Variants in DNAAF9 observed in about 807,000 individuals in gnomAD.
The protein encoded by DNAAF9 is shulin.
DNAAF9 carries 90 observed loss-of-function variants against 167.0 expected under a neutral mutation model. That is an observed-to-expected ratio of 0.54 (90% CI 0.45 to 0.64). The LOEUF (loss-of-function observed/expected upper bound fraction) is 0.64. Ranked by LOEUF, DNAAF9 falls within the 30% of genes least tolerant of loss-of-function variation. The probability of loss-of-function intolerance (pLI) is 0.00; values close to 1 mark genes in which losing one functional copy is unlikely to be tolerated. For missense variants in DNAAF9, 1,315 were observed against 1,442.2 expected, an observed-to-expected ratio of 0.91 and a Z score of 1.43; for synonymous variants, 491 against 508.8, an observed-to-expected ratio of 0.96 and a Z score of 0.47.
At chr20:3,394,245 G>A (rs1290249954) in intron 1 of DNAAF9, among the ~76,000 whole-genome samples, 1 of 151,874 alleles carries the variant, frequency 6.6e-6, no homozygotes, top group Admixed American at 6.6e-5. Flanking sequence ...GGCTGAGGCA[G>A]GAGAATCACT....
Position 3,251,875 on chromosome 20 carries a change from G to C in DNAAF9, c.*697C>G, listed in dbSNP as rs2068199753. ...GGAGAGCTAAAGAACCACCCACAAG[G>C]GGAAAAGCTGATGTCAACTTAAGAG... On this transcript the variant is annotated 3_prime_UTR_variant, in exon 37 of 37. Transcript: ENST00000252032. The C allele has an allele frequency of 6.6e-6, 1 of 152,410 alleles. No homozygotes were observed. Among genetic ancestry groups the C allele is most frequent in the Non-Finnish European group, 1.5e-5 (1 of 68,172 alleles). 9.4% of individuals were successfully genotyped at this position (152,410 alleles called of 1,614,324 possible).
At chr20:3,341,761 A>G (rs997583204) in intron 9 of DNAAF9, among the ~76,000 whole-genome samples, 1 of 152,022 alleles carries the variant, frequency 6.6e-6, no homozygotes, top group South Asian at 2.1e-4. Flanking sequence ...GATTCTCTAC[A>G]TTGCAGTGAT....
chr20:3,401,668 C>T (rs111584462), intron 1 of DNAAF9, among the ~76,000 whole-genome samples: 10 of 152,164 alleles, frequency 6.6e-5, no homozygotes, highest in Admixed American at 3.3e-4. Flanking sequence ...TCATACTCAG[C>T]GAGTCCTATG....
intron 10 of DNAAF9, among the ~76,000 whole-genome samples, chr20:3,338,897 A>G (rs1397954665): frequency 6.6e-6 from 1 of 151,172 alleles, no homozygotes; most frequent in African/African-American, 2.4e-5. Flanking sequence ...CAGGCAATCC[A>G]CCTGCCTCGG....
Position 3,296,078 on chromosome 20 carries a change from G to C in DNAAF9, c.2018+783C>G, listed in dbSNP as rs879157395. 9.5e-6 allele frequency: 7 copies of C among 734,922 alleles called. No homozygotes were observed. The Admixed American group carries it at 1.2e-4, about 13-fold the overall frequency. 45.5% of individuals were successfully genotyped at this position (734,922 alleles called of 1,614,324 possible). On this transcript the variant is annotated intron_variant, in intron 23 of 36. Coordinates refer to ENST00000252032, the MANE Select transcript of DNAAF9 (RefSeq NM_001009984.3). Reference sequence around the variant, plus strand: ...CTCATCTGGAGTTACTGTTAGCTGAGAACAGTGAAGCTTGTTTGGATCAGG... The same window carrying C: ...CTCATCTGGAGTTACTGTTAGCTGACAACAGTGAAGCTTGTTTGGATCAGG...
At chr20:3,278,794 G>T in intron 29 of DNAAF9, 118 bp downstream of exon 29, 1 of 818,522 alleles carries the variant, frequency 1.2e-6, no homozygotes, top group South Asian at 1.4e-5. Flanking sequence ...AGTTTTTTCT[G>T]ACCAATTTTG....
At chr20:3,370,414 A>G (rs1006980515) in intron 6 of DNAAF9, among the ~76,000 whole-genome samples, 6 of 143,032 alleles carry the variant, frequency 4.2e-5, no homozygotes, top group Non-Finnish European at 9.3e-5. Flanking sequence ...GTGCCTCGCT[A>G]ATTTTTTTTT....
In DNAAF9 at chr20:3,389,975, G is replaced by T. The variant is rs548046192; in HGVS notation, c.84-7469C>A. On this transcript the variant is annotated intron_variant, in intron 1 of 36. Coordinates refer to ENST00000252032, the MANE Select transcript of DNAAF9 (RefSeq NM_001009984.3). ...CACTGGAACCTGGAAGGCAGAGGCTGCAGTGAGCCAAGATCACGCCACTGT... is the reference window on the plus strand; with the variant it reads ...CACTGGAACCTGGAAGGCAGAGGCTTCAGTGAGCCAAGATCACGCCACTGT... Among the ~76,000 whole-genome samples, 4 of 151,320 alleles carry T rather than the reference G, an allele frequency of 2.6e-5. No homozygotes were observed. In the South Asian group the frequency reaches 8.3e-4, roughly 32 times the overall value.
In DNAAF9 at chr20:3,290,186, C is replaced by G. The variant is rs1269796294; in HGVS notation, c.2270G>C (p.Gly757Ala). The change falls in exon 26 of 37, where the codon GGC becomes GCC. Residue 757 changes from glycine (G) to alanine (A), a missense_variant. This residue lies in a region of DNAAF9 where 981 missense variants were observed against 1,012.5 expected (regional missense o/e 0.97). Transcript: ENST00000252032. ...VIISIVTGLP[G>A]CHASELCAFL... ...AGCACAGAGCTCGCTAGCGTGACAG[C>G]CTGGGAGGCCGGTTACAATGCTGAT... 5.6e-6 allele frequency: 9 copies of G among 1,612,906 alleles called. No individual in the cohort carries two copies. In the East Asian group the frequency reaches 1.6e-4, roughly 28 times the overall value.
chr20:3,332,285 T>G lies in DNAAF9; in HGVS notation c.1058A>C (p.Tyr353Ser). Residue 353 changes from tyrosine to serine, a missense_variant, in exon 11 of 37, where the codon TAC becomes TCC. This residue lies in a region of DNAAF9 where 981 missense variants were observed against 1,012.5 expected (regional missense o/e 0.97). Transcript: ENST00000252032. ...TYFFGATHVP[Y>S]LGGDSKLPKK... The stretch of plus-strand genomic sequence containing the variant: ...GACAACTTATAGGGACTTACCCAAG[T>G]AAGGAACATGAGTAGCTCCAAAAAA... 6.4e-7 allele frequency: 1 copy of G among 1,558,872 alleles called. No individual in the cohort carries two copies. The highest frequency in any genetic ancestry group is 8.8e-7 in the Non-Finnish European group (1 of 1,130,176).
chr20:3,401,560 T>A (rs1465337567), intron 1 of DNAAF9, among the ~76,000 whole-genome samples: 1 of 150,764 alleles, frequency 6.6e-6, no homozygotes, highest in Non-Finnish European at 1.5e-5. Context: ...TGAATACCCA[T>A]GAAATTTAAC....
intron 1 of DNAAF9, among the ~76,000 whole-genome samples, chr20:3,392,501 T>C (rs1013979413): frequency 2.0e-5 from 3 of 152,246 alleles, no homozygotes; most frequent in African/African-American, 4.8e-5. Flanking sequence ...CATCAGAACC[T>C]AAGTGAGCAG....
chr20:3,264,326 C>T, intron 31 of DNAAF9, 112 bp downstream of exon 31: 1 of 653,344 alleles, frequency 1.5e-6, no homozygotes, highest in Non-Finnish European at 2.7e-6. Flanking sequence ...CATGTGTCAC[C>T]CTTGCAAAGC....
Position 3,322,689 on chromosome 20 carries a change from T to C in DNAAF9, c.1273A>G (p.Met425Val). ...IPFKAALRSK[M>V]TFHIHAVNNQ... is the part of the protein sequence containing the mutation. Reference sequence around the variant, plus strand: ...TTCACAGCATGTATATGAAAAGTCATCTTGGAGCTGTAGACCAGAAACAAA... The same window carrying C: ...TTCACAGCATGTATATGAAAAGTCACCTTGGAGCTGTAGACCAGAAACAAA... The change falls in exon 15 of 37, where the codon ATG (methionine) becomes GTG (valine). Residue 425 changes from methionine to valine, a missense_variant. This residue lies in a region of DNAAF9 where 981 missense variants were observed against 1,012.5 expected (regional missense o/e 0.97). Coordinates refer to ENST00000252032, the MANE Select transcript of DNAAF9 (RefSeq NM_001009984.3). The C allele has an allele frequency of 1.2e-6, 2 of 1,612,752 alleles. No individual in the cohort carries two copies. The highest frequency in any genetic ancestry group is 1.7e-6 in the Non-Finnish European group (2 of 1,178,726).
chr20:3,316,771 G>A lies in DNAAF9; in HGVS notation c.1491C>T (p.Thr497=), dbSNP rs2069507528. ...CAGCAGCAGTCAGGACTACGGAGCT[G>A]GTTTCTGTGGTAACAGTGCCATCTG... ...KEKDGTVTTE[T]SSVVLTAAVP... The change falls in exon 18 of 37, where the codon ACC becomes ACT. Residue 497 remains threonine, a synonymous_variant. Transcript: ENST00000252032. 14 of 1,613,392 alleles carry A rather than the reference G, an allele frequency of 8.7e-6. No homozygotes were observed. The East Asian group carries it at 3.1e-4, about 36-fold the overall frequency.
At chr20:3,373,494 G>C (rs929759426) in intron 6 of DNAAF9, among the ~76,000 whole-genome samples, 1 of 152,172 alleles carries the variant, frequency 6.6e-6, no homozygotes, top group African/African-American at 2.4e-5. Flanking sequence ...TAGATGCAAG[G>C]AATGCTGAAA....
At chr20:3,306,848 C>T in intron 20 of DNAAF9, 4 of 954,504 alleles carry the variant, frequency 4.2e-6, no homozygotes, top group Non-Finnish European at 5.0e-6. Flanking sequence ...AAAACCACAA[C>T]CCCACCAACT....
In DNAAF9 at chr20:3,299,582, G is replaced by A. The variant is rs1442332185; in HGVS notation, c.1783-1407C>T. ...CCTCCTTGGCCTCCCAAAGTGCTGCGATTACAGGCGTGAGCCACCGCACCC... is the reference window on the plus strand; with the variant it reads ...CCTCCTTGGCCTCCCAAAGTGCTGCAATTACAGGCGTGAGCCACCGCACCC... On this transcript the variant is annotated intron_variant, in intron 21 of 36. Coordinates refer to ENST00000252032, the MANE Select transcript of DNAAF9 (RefSeq NM_001009984.3). Among the ~76,000 whole-genome samples the A allele has an allele frequency of 2.0e-5, 3 of 152,172 alleles. No homozygotes were observed. The East Asian group carries it at 5.8e-4, about 29-fold the overall frequency.
chr20:3,348,719 A>G, intron 7 of DNAAF9, 96 bp from the exon 8 acceptor site: 1 of 654,614 alleles, frequency 1.5e-6, no homozygotes, highest in East Asian at 2.7e-5. Context: ...TCAAAACACC[A>G]GACCATTTAT....
Sources: allele counts gnomAD v4.1 joint callset (sites outside exome capture counted in the v4.1 genomes callset), GRCh38; gene constraint gnomAD v4.1.1; regional missense constraint gnomAD v4.1.1; transcripts MANE v1.5; gene names NCBI Gene and HGNC (gene_info 2026-07-23, HGNC 2026-07-21).